LRRFIP1: variants seen among roughly 807,000 people sequenced by gnomAD.
LRRFIP1 encodes the protein leucine-rich repeat flightless-interacting protein 1.
A neutral mutation model predicts 104.4 loss-of-function variants in LRRFIP1; 62 were observed. That is an observed-to-expected ratio of 0.59 (90% confidence interval 0.48 to 0.73). The LOEUF (loss-of-function observed/expected upper bound fraction) is 0.73. Among genes scored for constraint, LRRFIP1 ranks in the 30% least tolerant of loss-of-function variants. LRRFIP1 has a pLI of 0.00. For missense variants in LRRFIP1, 796 were observed against 824.5 expected, an observed-to-expected ratio of 0.97 and a Z score of 0.42; for synonymous variants, 300 against 299.0, an observed-to-expected ratio of 1.00 and a Z score of -0.03.
chr2:237,772,230 C>A, intron 21 of LRRFIP1, 32 bp downstream of exon 21: 1 of 1,518,494 alleles, frequency 6.6e-7, no homozygotes, highest in Non-Finnish European at 9.1e-7. Context: ...GAAGTAAATG[C>A]TTTCACATGT....
chr2:237,698,342 C>T lies in LRRFIP1; in HGVS notation c.97-10202C>T, dbSNP rs192842215. On this transcript the variant is annotated intron_variant, in intron 1 of 23. Transcript: ENST00000308482. ...AAAAACCGAGTAACTTATCCAGGCT[C>T]ACATAACTGTAGGTGACAGAGCCCA... Among the ~76,000 whole-genome samples, 30 of 152,336 alleles carry T rather than the reference C, an allele frequency of 2.0e-4. No homozygotes were observed. The East Asian group carries it at 5.2e-3, about 26-fold the overall frequency.
chr2:237,658,209 T>C (rs911285254), intron 1 of LRRFIP1, among the ~76,000 whole-genome samples: 8 of 152,184 alleles, frequency 5.3e-5, no homozygotes, highest in African/African-American at 1.9e-4. Flanking sequence ...CTATAAAATA[T>C]ATAAAATACC....
chr2:237,716,936 G>T (rs1176137141), intron 3 of LRRFIP1, among the ~76,000 whole-genome samples: 1 of 152,146 alleles, frequency 6.6e-6, no homozygotes, highest in East Asian at 1.9e-4. Context: ...CAACCTGCGG[G>T]CCACATGCAG....
In LRRFIP1 at chr2:237,739,326, G is replaced by T; in HGVS notation, c.633+17G>T. 1 of 1,547,916 alleles carries T rather than the reference G, an allele frequency of 6.5e-7. No homozygotes were observed. ...AGCCCTGTGGTAAGTCGGCCTCCTGGCCTTGCTCCTACTCAGTGTCACCCT... is the reference window on the plus strand; with the variant it reads ...AGCCCTGTGGTAAGTCGGCCTCCTGTCCTTGCTCCTACTCAGTGTCACCCT... On this transcript the variant is annotated intron_variant, in intron 11 of 23. Transcript: ENST00000308482.
intron 1 of LRRFIP1, among the ~76,000 whole-genome samples, chr2:237,657,114 G>C (rs2086951459): frequency 6.6e-6 from 1 of 152,220 alleles, no homozygotes; most frequent in Non-Finnish European, 1.5e-5. Context: ...TTTGGTTTCA[G>C]TTACAGTGGA....
intron 10 of LRRFIP1, among the ~76,000 whole-genome samples, 159 bp from the exon 11 acceptor site, chr2:237,739,073 C>T (rs1170309264): frequency 2.6e-5 from 4 of 152,216 alleles, no homozygotes; most frequent in African/African-American, 4.8e-5. Context: ...TTTGAATATG[C>T]GTTTGCTGTC....
rs1041674200 is a variant in LRRFIP1, at chr2:237,717,586, G to A, written c.202-176G>A. Among the ~76,000 whole-genome samples, 3 of 152,164 alleles carry A rather than the reference G, an allele frequency of 2.0e-5. No individual in the cohort carries two copies. The highest frequency in any genetic ancestry group is 7.2e-5 in the African/African-American group (3 of 41,454). ...CAGCTCACAGCCTGCATGACTGCAC[G>A]GGTGGCGGTCCCTGTGGAGAAGCCA... is the stretch of plus-strand genomic sequence containing the variant. On this transcript the variant is annotated intron_variant, in intron 3 of 23. Transcript: ENST00000308482. This position sits in a 1 kb window ranked among gnomAD's most constrained non-coding sequence, Gnocchi z 4.2.
rs562213009 is a variant in LRRFIP1, at chr2:237,709,559, C to A, written c.183+929C>A. Among the ~76,000 whole-genome samples the A allele has an allele frequency of 9.2e-5, 14 of 152,336 alleles. No individual in the cohort carries two copies. The South Asian group carries it at 2.9e-3, about 32-fold the overall frequency. On this transcript the variant is annotated intron_variant, in intron 2 of 23. Transcript: ENST00000308482. ...AACCAGTGAGATTTCGGATAAAAAT[C>A]TGAATTTCCAGATTCTCTTATGGTG...
chr2:237,762,857 C>T (rs1483404122), intron 19 of LRRFIP1: 1 of 1,614,156 alleles, frequency 6.2e-7, no homozygotes, highest in Admixed American at 1.7e-5. Flanking sequence ...CAGTTCTCTC[C>T]CTGAAAACAC....
chr2:237,723,956 T>C (rs1301362142), intron 7 of LRRFIP1, among the ~76,000 whole-genome samples: 2 of 152,224 alleles, frequency 1.3e-5, no homozygotes, highest in Non-Finnish European at 2.9e-5. Flanking sequence ...GCCTCTACAT[T>C]TGCTTTAAAA....
chr2:237,694,589 T>G (rs1426625385), intron 1 of LRRFIP1, among the ~76,000 whole-genome samples: 2 of 152,178 alleles, frequency 1.3e-5, no homozygotes, highest in African/African-American at 2.4e-5. Context: ...CTGCATTGTG[T>G]CCGTGGGTTC....
chr2:237,712,621 G>T (rs186178251), intron 2 of LRRFIP1, among the ~76,000 whole-genome samples: 1 of 152,222 alleles, frequency 6.6e-6, no homozygotes, highest in East Asian at 1.9e-4. Context: ...GTGTGCGCAC[G>T]CATTCGTGTG....
chr2:237,710,920 G>A (rs1377299645), intron 2 of LRRFIP1, among the ~76,000 whole-genome samples: 1 of 152,080 alleles, frequency 6.6e-6, no homozygotes, highest in African/African-American at 2.4e-5. Context: ...AATAAGCCAG[G>A]CGTGGTGGCA....
At position 237,749,310 on chromosome 2, in the gene LRRFIP1, A is replaced by T. The variant is rs749396804; in HGVS notation, c.781A>T (p.Ile261Phe). ...TSISIDTEAS[I>F]REIKELNELK... ...CATCTCCATCGACACCGAGGCATCC[A>T]TCAGGGAAATCAAGGTGAGATGCTC... Residue 261 changes from isoleucine (I) to phenylalanine (F), a missense_variant, in exon 13 of 24, where the codon ATC becomes TTC. By Grantham distance (21) the Ile-to-Phe change is conservative. Transcript: ENST00000308482. 6.2e-7 allele frequency: 1 copy of T among 1,613,718 alleles called. No individual in the cohort carries two copies. The highest frequency in any genetic ancestry group is 1.7e-5 in the Admixed American group (1 of 60,008).
At chr2:237,676,739 G>A (rs2091209397) in intron 1 of LRRFIP1, among the ~76,000 whole-genome samples, 1 of 152,234 alleles carries the variant, frequency 6.6e-6, no homozygotes, top group Admixed American at 6.5e-5. Context: ...CTGGCCTCAA[G>A]TGATCTGCCC....
intron 19 of LRRFIP1, chr2:237,764,422 T>C: frequency 1.5e-6 from 2 of 1,322,220 alleles, no homozygotes; most frequent in Non-Finnish European, 9.7e-7. Context: ...TATAGTCCAC[T>C]TAATAAAAAT....
chr2:237,758,275 C>A (rs537293619), intron 17 of LRRFIP1, among the ~76,000 whole-genome samples: 11 of 152,080 alleles, frequency 7.2e-5, no homozygotes, highest in Admixed American at 5.9e-4. Context: ...AGGACCACTT[C>A]ATTTATCTGA....
At chr2:237,715,830 G>A (rs2094312069) in intron 3 of LRRFIP1, among the ~76,000 whole-genome samples, 1 of 152,242 alleles carries the variant, frequency 6.6e-6, no homozygotes, top group African/African-American at 2.4e-5. Flanking sequence ...CCTGGACTTT[G>A]CTGTGCTAGT....
At chr2:237,770,022 CATGA>C in intron 20 of LRRFIP1, 30 bp downstream of exon 20, 1 of 1,573,722 alleles carries the variant, frequency 6.4e-7, no homozygotes, top group Non-Finnish European at 8.7e-7. Context: ...TTTACCGGTT[CATGA>C]ACAGGGCACC....
Sources: gnomAD v4.1 joint callset for allele counts (sites outside exome capture counted in the v4.1 genomes callset) on GRCh38, gnomAD v4.1.1 for gene constraint, Gnocchi (gnomAD v3.1) non-coding constraint, MANE v1.5 for transcripts, NCBI Gene and HGNC (gene_info 2026-07-23, HGNC 2026-07-21) for gene names.